The following TARBP1 variants were observed in gnomAD, a reference collection of about 807,000 sequenced individuals.
TARBP1 encodes the protein tRNA (guanosine(18)-2'-O)-methyltransferase TARBP1.
Under a neutral mutation model 178.6 loss-of-function variants are expected in TARBP1, and 144 were observed. That is an observed-to-expected ratio of 0.81 (90% confidence interval 0.70 to 0.93). The LOEUF is 0.93. Ranked by LOEUF, TARBP1 falls within the 40% of genes least tolerant of loss-of-function variation. The probability of loss-of-function intolerance (pLI) is 0.00; values close to 1 mark genes in which losing one functional copy is unlikely to be tolerated. For missense variants in TARBP1, 2,067 were observed against 2,011.7 expected, an observed-to-expected ratio of 1.03 and a Z score of -0.53; for synonymous variants, 787 against 781.0, an observed-to-expected ratio of 1.01 and a Z score of -0.13.
chr1:234,452,202 T>A (rs932637532), intron 9 of TARBP1, among the ~76,000 whole-genome samples: 41 of 152,224 alleles, frequency 2.7e-4, no homozygotes, highest in African/African-American at 9.6e-4. Context: ...TAAATGGCAG[T>A]CTCTGGGTAG....
At position 234,427,660 on chromosome 1, in the gene TARBP1, T is replaced by G; in HGVS notation, c.3167A>C (p.Gln1056Pro). 1 of 1,590,324 alleles carries G rather than the reference T, an allele frequency of 6.3e-7. No individual in the cohort carries two copies. Among genetic ancestry groups the G allele is most frequent in the African/African-American group, 1.4e-5 (1 of 73,650 alleles). ...SWIVSASNVS[Q>P]GSLSSAKNYS... ...ATTTTTAGCACTTGATAAAGATCCT[T>G]GGGACACATTTGAAGCAGACACTAT... is the stretch of plus-strand genomic sequence containing the variant. Residue 1056 changes from glutamine (Q) to proline (P), a missense_variant, in exon 18 of 30, where the codon CAA becomes CCA. Transcript: ENST00000040877.
Position 234,459,339 on chromosome 1 carries a change from C to T in TARBP1, c.1536-13G>A. The T allele has an allele frequency of 1.9e-6, 3 of 1,587,390 alleles. No homozygotes were observed. The highest frequency in any genetic ancestry group is 2.3e-5 in the South Asian group (2 of 86,492). On this transcript the variant is annotated splice_polypyrimidine_tract_variant and intron_variant, in intron 7 of 29. Transcript: ENST00000040877. The stretch of plus-strand genomic sequence containing the variant: ...ATGAATAACATCCCTGACATCGAAA[C>T]ACAAAAAATGCAGTTCCGTATTCCC...
In TARBP1 at chr1:234,478,275, C is replaced by T. The variant is rs1669763486; in HGVS notation, c.829G>A (p.Asp277Asn). 6.3e-7 allele frequency: 1 copy of T among 1,588,386 alleles called. No homozygotes were observed. Among genetic ancestry groups the T allele is most frequent in the Admixed American group, 1.7e-5 (1 of 58,124 alleles). ...RTVQAGLGQA[D>N]ALTRKRARYL... ...CGCGCTCGCTTGCGCGTCAGGGCGT[C>T]CGCCTGGCCCAGCCCCGCCTGCACC... Residue 277 changes from aspartate to asparagine, a missense_variant, in exon 1 of 30, where the codon GAC (aspartate) becomes AAC (asparagine). Physicochemically the swap from Asp to Asn is conservative, Grantham distance 23. Coordinates refer to ENST00000040877, the MANE Select transcript of TARBP1 (RefSeq NM_005646.4).
intron 1 of TARBP1, among the ~76,000 whole-genome samples, chr1:234,477,499 T>C (rs191316649): frequency 1.3e-5 from 2 of 152,236 alleles, no homozygotes; most frequent in Non-Finnish European, 2.9e-5. Context: ...AAATTTAACA[T>C]GAGTGAAGTC....
intron 7 of TARBP1, 72 bp downstream of exon 7, chr1:234,460,189 G>A: frequency 6.8e-7 from 1 of 1,472,742 alleles, no homozygotes; most frequent in Non-Finnish European, 9.1e-7. Context: ...GATTAAAGCA[G>A]AGGAGAAAAT....
At position 234,398,489 on chromosome 1, in the gene TARBP1, T is replaced by C; in HGVS notation, c.4136A>G (p.Lys1379Arg). The C allele has an allele frequency of 1.2e-6, 2 of 1,611,368 alleles. No individual in the cohort carries two copies. The highest frequency in any genetic ancestry group is 1.7e-6 in the Non-Finnish European group (2 of 1,178,246). ...LIEDEWITID[K>R]FTRFTDVPLA... The stretch of plus-strand genomic sequence containing the variant: ...AGGAACATCAGTGAATCTGGTAAAT[T>C]TATCAATGGTGATCCATTCATCTTC... Residue 1379 changes from lysine to arginine, a missense_variant, in exon 26 of 30, where the codon AAA becomes AGA. Lys to Arg is a conservative substitution (Grantham distance 26). Coordinates refer to ENST00000040877, the MANE Select transcript of TARBP1 (RefSeq NM_005646.4).
chr1:234,461,979 C>T (rs1262275699), intron 6 of TARBP1, among the ~76,000 whole-genome samples: 1 of 152,184 alleles, frequency 6.6e-6, no homozygotes, highest in Non-Finnish European at 1.5e-5. Flanking sequence ...GCACAAAAGA[C>T]ATTCAGAACA....
chr1:234,396,218 T>C (rs1374548589), intron 26 of TARBP1, among the ~76,000 whole-genome samples: 2 of 152,232 alleles, frequency 1.3e-5, no homozygotes, highest in Non-Finnish European at 2.9e-5. Flanking sequence ...TGTATTTCCC[T>C]GCTCCGCTTT....
intron 21 of TARBP1, among the ~76,000 whole-genome samples, chr1:234,419,063 G>T (rs1003375434): frequency 1.3e-5 from 2 of 152,094 alleles, no homozygotes; most frequent in South Asian, 4.1e-4. Flanking sequence ...TCCCAGCTAC[G>T]CGGGAGGCTG....
At chr1:234,426,493 G>GA (rs767000908) in intron 19 of TARBP1, among the ~76,000 whole-genome samples, 11 of 151,772 alleles carry the variant, frequency 7.2e-5, no homozygotes, top group East Asian at 1.9e-4. Context: ...TAAAAACAAT[G>GA]AAAAAAATGT....
intron 17 of TARBP1, among the ~76,000 whole-genome samples, chr1:234,428,158 G>A (rs1314582490): frequency 6.6e-6 from 1 of 152,164 alleles, no homozygotes; most frequent in African/African-American, 2.4e-5. Flanking sequence ...AAAGGACCAA[G>A]AAAGGCAGCA....
chr1:234,479,134 T>G lies in TARBP1; in HGVS notation c.-31A>C, dbSNP rs1211277827. 10 of 1,500,480 alleles carry G rather than the reference T, an allele frequency of 6.7e-6. No homozygotes were observed. The highest frequency in any genetic ancestry group is 2.4e-4 in the Middle Eastern group (1 of 4,118). 92.9% of individuals were successfully genotyped at this position (1,500,480 alleles called of 1,614,324 possible). On this transcript the variant is annotated 5_prime_UTR_variant, in exon 1 of 30. Transcript: ENST00000040877. ...GAGCGCCCGCGCCACCGGCCCGGGC[T>G]CCCAAAGGAAGGCGCCGGCGTGTGC... is the stretch of plus-strand genomic sequence containing the variant.
chr1:234,392,868 G>GAGA, intron 28 of TARBP1: 1 of 172,322 alleles, frequency 5.8e-6, no homozygotes, highest in Non-Finnish European at 1.2e-5. Context: ...CCACCACCAC[G>GAGA]CCCGGCTAAT....
At chr1:234,402,785 C>T in intron 24 of TARBP1, among the ~76,000 whole-genome samples, 1 of 152,006 alleles carries the variant, frequency 6.6e-6, no homozygotes, top group East Asian at 1.9e-4. Flanking sequence ...GGGGTTTTGC[C>T]ATGTTGCCCA....
chr1:234,460,346 C>T lies in TARBP1; in HGVS notation c.1450G>A (p.Ala484Thr), dbSNP rs148655852. The change falls in exon 7 of 30, where the codon GCT (alanine) becomes ACT (threonine). Residue 484 changes from alanine to threonine, a missense_variant. Transcript: ENST00000040877. ...IRKMTSRHWC[A>T]VPILFLSKAL... ...TTAGATAGAAACAAAATGGGAACAG[C>T]ACACCAATGCCTACTTGTCATCTTC... 151 of 1,614,066 alleles carry T rather than the reference C, an allele frequency of 9.4e-5. 1 individual carries two copies. Among genetic ancestry groups the T allele is most frequent in the Non-Finnish European group, 1.2e-4 (143 of 1,180,022 alleles).
intron 11 of TARBP1, among the ~76,000 whole-genome samples, chr1:234,448,066 G>C (rs956033768): frequency 6.6e-5 from 10 of 152,260 alleles, no homozygotes; most frequent in Admixed American, 6.5e-4. Flanking sequence ...AGCCTCTCTA[G>C]TAGTTGAGAC....
At chr1:234,417,490 C>T (rs1662559742) in intron 22 of TARBP1, among the ~76,000 whole-genome samples, 1 of 152,192 alleles carries the variant, frequency 6.6e-6, no homozygotes, top group Admixed American at 6.5e-5. Flanking sequence ...CAAAAGAAAG[C>T]ATTCAAGATA....
rs199725715 is a variant in TARBP1 at position 234,467,557 on chromosome 1, T to C, written c.1193A>G (p.His398Arg). The C allele has an allele frequency of 2.8e-5, 45 of 1,606,536 alleles. No individual in the cohort carries two copies. Among genetic ancestry groups the C allele is most frequent in the African/African-American group, 4.0e-5 (3 of 74,576 alleles). The change falls in exon 4 of 30, where the codon CAT becomes CGT. Residue 398 changes from histidine (H) to arginine (R), a missense_variant. His to Arg is a conservative substitution (Grantham distance 29, BLOSUM62 0). Coordinates refer to ENST00000040877, the MANE Select transcript of TARBP1 (RefSeq NM_005646.4). ...CTTTGTTTCATACAGCTCCAAAAAA[T>C]GGATAACACCTTCTTTGGACAGGAT... The part of the protein sequence containing the change: ...NKILSKEGVI[H>R]FLELYETKIL...
chr1:234,410,681 G>T (rs773933962), intron 22 of TARBP1, 150 bp from the exon 23 acceptor site: 1 of 563,798 alleles, frequency 1.8e-6, no homozygotes, highest in Admixed American at 3.7e-5. Flanking sequence ...AGGGGGCTGC[G>T]GCAACAGGCA....
Sources: gnomAD v4.1 joint callset for allele counts (sites outside exome capture counted in the v4.1 genomes callset) on GRCh38, gnomAD v4.1.1 for gene constraint, MANE v1.5 for transcripts, NCBI Gene and HGNC (gene_info 2026-07-23, HGNC 2026-07-21) for gene names.